MMP27: variants seen among roughly 807,000 people sequenced by gnomAD.
MMP27 encodes the protein matrix metallopeptidase 27, also known as matrix metalloproteinase-27.
A neutral mutation model predicts 48.1 loss-of-function variants in MMP27; 51 were observed. The observed-to-expected ratio is 1.06, with a 90% CI of 0.85 to 1.34. The LOEUF (loss-of-function observed/expected upper bound fraction) is 1.34, where lower values mean the gene tolerates loss of function less well. Among genes scored for constraint, MMP27 ranks in the 40% most tolerant of loss-of-function variants. The pLI is 0.00. For missense variants in MMP27, 698 were observed against 619.3 expected (o/e 1.13, Z -1.35); for synonymous variants, 229 against 208.9 (o/e 1.10, Z -0.83).
rs911577139 is a variant in MMP27, at chr11:102,691,955, C to G, written c.1353G>C (p.Lys451Asn). The change falls in exon 10 of 10, where the codon AAG becomes AAC. Residue 451 changes from lysine (K) to asparagine (N), a missense_variant. Physicochemically the swap from Lys to Asn is moderately conservative, Grantham distance 94 (BLOSUM62 0). Coordinates refer to ENST00000260229, the MANE Select transcript of MMP27 (RefSeq NM_022122.3). Reference sequence around the variant, plus strand: ...TAGTTCTCATGATTCGGGTAATATTCTTTGTCTTAATGTCGTATTCAAATT... The same window carrying G: ...TAGTTCTCATGATTCGGGTAATATTGTTTGTCTTAATGTCGTATTCAAATT... The part of the protein sequence containing the change: ...SKQFEYDIKT[K>N]NITRIMRTNT... 3.7e-6 allele frequency: 6 copies of G among 1,612,766 alleles called. No individual in the cohort carries two copies. Among genetic ancestry groups the G allele is most frequent in the Non-Finnish European group, 5.1e-6 (6 of 1,179,470 alleles).
chr11:102,696,864 C>T (rs750721546), intron 4 of MMP27, 29 bp from the exon 5 acceptor site: 1 of 1,590,578 alleles, frequency 6.3e-7, no homozygotes, highest in Non-Finnish European at 8.5e-7. Context: ...AACACGAGCA[C>T]ATGACTTAAT....
At chr11:102,696,977 G>T in intron 4 of MMP27, 142 bp from the exon 5 acceptor site, 1 of 830,952 alleles carries the variant, frequency 1.2e-6, no homozygotes, top group Non-Finnish European at 1.8e-6. Flanking sequence ...CCATTTATCT[G>T]GGAGGTATTG....
intron 7 of MMP27, among the ~76,000 whole-genome samples, 184 bp downstream of exon 7, chr11:102,694,783 T>A (rs1860792275): frequency 6.6e-6 from 1 of 152,222 alleles, no homozygotes; most frequent in African/African-American, 2.4e-5. Flanking sequence ...CAACTAGGAT[T>A]GTGTTTATCT....
At chr11:102,695,477 C>T (rs1459535970) in intron 6 of MMP27, among the ~76,000 whole-genome samples, 7 of 152,206 alleles carry the variant, frequency 4.6e-5, no homozygotes, top group Non-Finnish European at 8.8e-5. Context: ...AATGTAATCA[C>T]TGACATGCGA....
chr11:102,705,321 T>C (rs1221023847), intron 1 of MMP27, among the ~76,000 whole-genome samples: 3 of 152,176 alleles, frequency 2.0e-5, no homozygotes, highest in Admixed American at 2.0e-4. Context: ...GAAATGCTTT[T>C]ATAGTGATCT....
At position 102,691,999 on chromosome 11, in the gene MMP27, A is replaced by C. The variant is rs562184817; in HGVS notation, c.1309T>G (p.Phe437Val). 1.0e-4 allele frequency: 164 copies of C among 1,602,768 alleles called. 3 individuals carry two copies. In the South Asian group the frequency reaches 1.8e-3, roughly 17 times the overall value. Residue 437 changes from phenylalanine (F) to valine (V), a missense_variant, in exon 10 of 10, where the codon TTC (phenylalanine) becomes GTC (valine). Transcript: ENST00000260229. ...AAFQYKGFFF[F>V]SRGSKQFEYD... ...TCAAATTGCTTTGATCCACGGCTGAAAAAGAAGAATCCTAGAGACAGGGAA... is the reference window on the plus strand; with the variant it reads ...TCAAATTGCTTTGATCCACGGCTGACAAAGAAGAATCCTAGAGACAGGGAA...
At chr11:102,695,131 C>T (rs927781409) in intron 6 of MMP27, 34 bp from the exon 7 acceptor site, 1 of 1,595,714 alleles carries the variant, frequency 6.3e-7, no homozygotes, top group Non-Finnish European at 8.6e-7. Flanking sequence ...ACACATGCAG[C>T]CTATTTCCAT....
At position 102,703,356 on chromosome 11, in the gene MMP27, C is replaced by T. The variant is rs192940683; in HGVS notation, c.342-238G>A. ...AGTATTAACACTTCAACAAAGGAGG[C>T]TGAAAGAGGTTAAATGACTTCACTA... On this transcript the variant is annotated intron_variant, in intron 2 of 9. Coordinates refer to ENST00000260229, the MANE Select transcript of MMP27 (RefSeq NM_022122.3). Among the ~76,000 whole-genome samples the T allele has an allele frequency of 1.5e-4, 23 of 152,202 alleles. No individual in the cohort carries two copies. In the East Asian group the frequency reaches 3.9e-3, roughly 25 times the overall value.
intron 8 of MMP27, 61 bp downstream of exon 8, chr11:102,693,845 G>T (rs17099394): frequency 0.077 from 103,191 of 1,345,130 alleles, 4,350 homozygotes; most frequent in African/African-American, 0.13. Flanking sequence ...GTGTCAAAGT[G>T]ATGCTATTGT....
chr11:102,703,660 C>A (rs1342499025), intron 2 of MMP27, among the ~76,000 whole-genome samples: 1 of 151,974 alleles, frequency 6.6e-6, no homozygotes, highest in Non-Finnish European at 1.5e-5. Context: ...GTAGCTGGGA[C>A]TACAGGCGCG....
chr11:102,699,838 A>G (rs766129825), intron 4 of MMP27, among the ~76,000 whole-genome samples: 1 of 152,202 alleles, frequency 6.6e-6, no homozygotes, highest in Non-Finnish European at 1.5e-5. Context: ...CTTGTCTTCT[A>G]CAATTCTATT....
rs768696670 is a variant in MMP27 at position 102,691,808 on chromosome 11, A to G, written c.1500T>C (p.Phe500=). Reference sequence around the variant, plus strand: ...TGTTTTTCAGCAAATGAACAATACCAAAAATAAACAAGCTTAAACTCTTAT... The same window carrying G: ...TGTTTTTCAGCAAATGAACAATACCGAAAATAAACAAGCTTAAACTCTTAT... ...LYHKSLSLFI[F]GIVHLLKNTS... Residue 500 remains phenylalanine, a synonymous_variant, in exon 10 of 10, where the codon TTT becomes TTC. Coordinates refer to ENST00000260229, the MANE Select transcript of MMP27 (RefSeq NM_022122.3). 2 of 1,608,696 alleles carry G rather than the reference A, an allele frequency of 1.2e-6. No homozygotes were observed. The highest frequency in any genetic ancestry group is 1.7e-6 in the Non-Finnish European group (2 of 1,176,704).
In MMP27 at chr11:102,694,990, CT is replaced by C; in HGVS notation, c.1009del (p.Arg337GlufsTer14). On this transcript the variant is annotated frameshift_variant, in exon 7 of 10. Coordinates refer to ENST00000260229, the MANE Select transcript of MMP27 (RefSeq NM_022122.3). LOFTEE classifies it high-confidence loss of function. ...ACCTTTAAAAACCAGAATCTTATCT[CT>C]GGGGTTCTCGTATGCAGCTTGCAGA... ...ADLQAAYENPRDKILVFKDEN... is the reference protein window; with the variant it reads ...ADLQAAYENPXDKILVFKDEN... The C allele has an allele frequency of 6.2e-7, 1 of 1,613,956 alleles. No individual in the cohort carries two copies. The highest frequency in any genetic ancestry group is 8.5e-7 in the Non-Finnish European group (1 of 1,179,948).
rs114612630 is a variant in MMP27 at position 102,695,446 on chromosome 11, A to T, written c.903-349T>A. Among the ~76,000 whole-genome samples the T allele has an allele frequency of 3.2e-3, 488 of 152,356 alleles. 2 individuals carry two copies. Among genetic ancestry groups the T allele is most frequent in the African/African-American group, 0.011 (470 of 41,586 alleles). On this transcript the variant is annotated intron_variant, in intron 6 of 9. Coordinates refer to ENST00000260229, the MANE Select transcript of MMP27 (RefSeq NM_022122.3). The stretch of plus-strand genomic sequence containing the variant: ...ATTCCTAAGAGGAACTTTTTGAAGC[A>T]GATGCTTGCTGGAATAAAGAAATGT...
chr11:102,693,266 T>C (rs1484088021), intron 8 of MMP27, among the ~76,000 whole-genome samples: 3 of 152,238 alleles, frequency 2.0e-5, no homozygotes, highest in Non-Finnish European at 4.4e-5. Context: ...ACAACATATG[T>C]TAGATTGATG....
At chr11:102,702,386 C>T (rs1317663007) in intron 4 of MMP27, among the ~76,000 whole-genome samples, 3 of 152,200 alleles carry the variant, frequency 2.0e-5, no homozygotes, top group African/African-American at 4.8e-5. Flanking sequence ...ACATCTTCTG[C>T]CTTATATGGC....
chr11:102,701,775 C>T (rs1860944510), intron 4 of MMP27, among the ~76,000 whole-genome samples: 1 of 152,226 alleles, frequency 6.6e-6, no homozygotes, highest in Non-Finnish European at 1.5e-5. Flanking sequence ...AAAACAGTTG[C>T]ATCACCTGTT....
intron 7 of MMP27, among the ~76,000 whole-genome samples, chr11:102,694,373 C>T (rs769670785): frequency 6.6e-6 from 1 of 152,170 alleles, no homozygotes; most frequent in Non-Finnish European, 1.5e-5. Context: ...TTAAACATCA[C>T]ATTGTACCCC....
At chr11:102,695,808 A>C (rs781389687) in intron 6 of MMP27, among the ~76,000 whole-genome samples, 5 of 152,222 alleles carry the variant, frequency 3.3e-5, no homozygotes, top group Non-Finnish European at 5.9e-5. Context: ...GCTGTAACTT[A>C]AGTTCAATAA....
Sources: gnomAD v4.1 joint callset for allele counts (sites outside exome capture counted in the v4.1 genomes callset) on GRCh38, gnomAD v4.1.1 for gene constraint, MANE v1.5 for transcripts, NCBI Gene and HGNC (gene_info 2026-07-23, HGNC 2026-07-21) for gene names.